SLC13A4: variants seen among roughly 807,000 people sequenced by gnomAD.
SLC13A4 encodes Na(+)/sulfate cotransporter SUT-1.
In SLC13A4, 28 loss-of-function variants were observed where a neutral mutation model predicts 72.7. The observed-to-expected ratio is 0.39, with a 90% confidence interval of 0.29 to 0.53. The LOEUF is 0.53. SLC13A4 is among the 20% of genes least tolerant of loss of function. The probability of loss-of-function intolerance (pLI) is 0.78; values close to 1 mark genes in which losing one functional copy is unlikely to be tolerated. For missense variants in SLC13A4, 653 were observed against 788.0 expected, an observed-to-expected ratio of 0.83 and a Z score of 2.05; for synonymous variants, 312 against 325.5, an observed-to-expected ratio of 0.96 and a Z score of 0.45.
intron 14 of SLC13A4, 121 bp from the exon 15 acceptor site, chr7:135,684,382 A>C: frequency 8.7e-7 from 1 of 1,145,320 alleles, no homozygotes; most frequent in Non-Finnish European, 1.2e-6. Context: ...CACTATGTGG[A>C]GGGGTAGTTA....
chr7:135,682,565 C>T (rs1795527187), intron 15 of SLC13A4, among the ~76,000 whole-genome samples: 2 of 152,236 alleles, frequency 1.3e-5, no homozygotes, highest in Non-Finnish European at 2.9e-5. Context: ...CTGGTCGGGG[C>T]CCCCTGGGCA....
At position 135,711,963 on chromosome 7, in the gene SLC13A4, A is replaced by ATTTTTTTTTTTT. The variant is rs529940903; in HGVS notation, c.229-3725_229-3714dup. 6.4e-5 allele frequency among the ~76,000 whole-genome samples: 3 copies of ATTTTTTTTTTTT among 46,900 alleles called. 1 individual carries two copies. The highest frequency in any genetic ancestry group is 1.2e-4 in the Non-Finnish European group (3 of 25,102). 30.8% of individuals were successfully genotyped at this position (46,900 alleles called of 152,430 possible). A position where few individuals can be genotyped will look rare whatever the true frequency, so the allele number is the denominator to read the frequency against. ...CACTACACCTGGCTAATGTTTTTGG[A>ATTTTTTTTTTTT]TTTTTTTTTTTTTTTTTTTTTTTTT... On this transcript the variant is annotated intron_variant, in intron 2 of 15. Transcript: ENST00000682651.
chr7:135,707,294 A>T (rs1796186162), intron 3 of SLC13A4: 1 of 152,152 alleles, frequency 6.6e-6, no homozygotes. Context: ...TGGGAGGTTG[A>T]GTGTAGGGGC....
At chr7:135,711,966 T>A (rs1796314701) in intron 2 of SLC13A4, among the ~76,000 whole-genome samples, 2 of 25,696 alleles carry the variant, frequency 7.8e-5, no homozygotes, top group African/African-American at 4.2e-4. Flanking sequence ...TTTTTGGATT[T>A]TTTTTTTTTT....
intron 2 of SLC13A4, 93 bp downstream of exon 2, chr7:135,721,302 G>A (rs755528388): frequency 6.7e-6 from 10 of 1,482,684 alleles, no homozygotes; most frequent in Non-Finnish European, 8.3e-6. Context: ...CCCCCTCATC[G>A]TCAAGTGCTG....
At chr7:135,722,072 A>C (rs1324720728) in intron 1 of SLC13A4, among the ~76,000 whole-genome samples, 1 of 152,092 alleles carries the variant, frequency 6.6e-6, no homozygotes, top group Non-Finnish European at 1.5e-5. Context: ...GCAAGACCCC[A>C]TCTCTAAAAA....
At chr7:135,691,469 G>T in intron 12 of SLC13A4, 79 bp downstream of exon 12, 1 of 1,519,492 alleles carries the variant, frequency 6.6e-7, no homozygotes, top group Non-Finnish European at 9.1e-7. Context: ...GAAGGACCTT[G>T]GTAAATCTCT....
intron 8 of SLC13A4, among the ~76,000 whole-genome samples, chr7:135,697,879 G>C (rs945107965): frequency 6.6e-6 from 1 of 151,988 alleles, no homozygotes; most frequent in Admixed American, 6.6e-5. Flanking sequence ...CGTCCTTCAG[G>C]TTTCCACATG....
chr7:135,722,465 GGT>G (rs977527878), intron 1 of SLC13A4, among the ~76,000 whole-genome samples: 78 of 152,084 alleles, frequency 5.1e-4, no homozygotes, highest in African/African-American at 1.8e-3. Context: ...GGGCATCTGG[GGT>G]GTGTCTCAAG....
intron 5 of SLC13A4, chr7:135,703,100 G>A: frequency 3.5e-6 from 2 of 572,484 alleles, no homozygotes; most frequent in Non-Finnish European, 6.2e-6. Flanking sequence ...CTGAGGGCAG[G>A]GGCAGCACTT....
At chr7:135,688,796 A>G (rs1391287759) in intron 13 of SLC13A4, 1 of 152,212 alleles carries the variant, frequency 6.6e-6, no homozygotes, top group Non-Finnish European at 1.5e-5. Context: ...TAAAATTAGT[A>G]GAGGCAGTAG....
intron 2 of SLC13A4, among the ~76,000 whole-genome samples, chr7:135,717,764 G>A (rs911114621): frequency 1.3e-5 from 2 of 152,190 alleles, no homozygotes; most frequent in African/African-American, 4.8e-5. Context: ...TTCTGGATGA[G>A]ATTGGCATTT....
At chr7:135,719,780 C>CGTGTGTGTGTGT (rs535749594) in intron 2 of SLC13A4, among the ~76,000 whole-genome samples, 28 of 138,634 alleles carry the variant, frequency 2.0e-4, no homozygotes, top group African/African-American at 7.0e-4. Context: ...CTCAATGCCA[C>CGTGTGTGTGTGT]ATGTGTGTGT....
At position 135,687,859 on chromosome 7, in the gene SLC13A4, G is replaced by A. The variant is rs754117805; in HGVS notation, c.1447-2176C>T. On this transcript the variant is annotated intron_variant, in intron 13 of 15. Coordinates refer to ENST00000682651, the MANE Select transcript of SLC13A4 (RefSeq NM_001318192.2). ...AGAGTTGTGCTCTGTCACCCAAGCT[G>A]GAGTGCAGTGGCACCATCTCAGCTC... 3.9e-4 allele frequency among the ~76,000 whole-genome samples: 60 copies of A among 152,190 alleles called. 2 individuals are homozygous for A. In the South Asian group the frequency reaches 4.0e-3, roughly 10 times the overall value.
At chr7:135,692,471 C>T (rs775763658) in intron 10 of SLC13A4, 47 bp from the exon 11 acceptor site, 1 of 1,407,504 alleles carries the variant, frequency 7.1e-7, no homozygotes, top group Admixed American at 2.1e-5. Flanking sequence ...AGAAATTTCT[C>T]CTAGCTTTTT....
chr7:135,719,956 G>GGAGAGAGAGAGAGA (rs10700387), intron 2 of SLC13A4, among the ~76,000 whole-genome samples: 3 of 135,896 alleles, frequency 2.2e-5, no homozygotes, highest in Non-Finnish European at 4.7e-5. Flanking sequence ...GGAGTTGGGG[G>GGAGAGAGAGAGAGA]GAGAGAGAGA....
intron 5 of SLC13A4, chr7:135,704,266 A>G (rs1411078954): frequency 6.6e-6 from 1 of 152,360 alleles, no homozygotes; most frequent in Non-Finnish European, 1.5e-5. Context: ...TGTTAATCCC[A>G]GAGCAAGGCC....
chr7:135,722,677 T>C (rs1009826765), intron 1 of SLC13A4, among the ~76,000 whole-genome samples: 3 of 152,178 alleles, frequency 2.0e-5, no homozygotes, highest in African/African-American at 7.2e-5. Flanking sequence ...ACAACTTGAT[T>C]CAGTAGTAAA....
chr7:135,727,374 C>T (rs750065878), intron 1 of SLC13A4, 24 bp downstream of exon 1: 25 of 1,546,002 alleles, frequency 1.6e-5, no homozygotes, highest in Non-Finnish European at 2.1e-5. Context: ...CCCAGACCCC[C>T]GGTGGGCGCA....
Sources: allele counts gnomAD v4.1 joint callset (sites outside exome capture counted in the v4.1 genomes callset), GRCh38; gene constraint gnomAD v4.1.1; transcripts MANE v1.5; gene names NCBI Gene and HGNC (gene_info 2026-07-23, HGNC 2026-07-21).